Variants in TEKT5 observed in about 807,000 individuals in gnomAD.
The protein encoded by TEKT5 is tektin 5.
In TEKT5, 52 loss-of-function variants were observed where a neutral mutation model predicts 48.7. The ratio of observed to expected loss-of-function variants is 1.07; its 90% confidence interval spans 0.86 to 1.35. The LOEUF (loss-of-function observed/expected upper bound fraction) is 1.35. TEKT5 is among the 40% of genes most tolerant of loss of function. The probability of loss-of-function intolerance (pLI) is 0.00; values close to 1 mark genes in which losing one functional copy is unlikely to be tolerated. For missense variants in TEKT5, 831 were observed against 641.6 expected (o/e 1.30, Z -3.19); for synonymous variants, 318 against 267.6 (o/e 1.19, Z -1.84).
chr16:10,661,314 G>C (rs1276156992), intron 5 of TEKT5, among the ~76,000 whole-genome samples: 1 of 152,144 alleles, frequency 6.6e-6, no homozygotes, highest in African/African-American at 2.4e-5. Flanking sequence ...TCTGTGTTCA[G>C]AGAACAATTT....
chr16:10,642,428 A>C (rs576277699), intron 5 of TEKT5, among the ~76,000 whole-genome samples: 22 of 152,202 alleles, frequency 1.4e-4, no homozygotes, highest in African/African-American at 4.6e-4. Flanking sequence ...CTCATTAGCC[A>C]TTCCTAAGCC....
chr16:10,630,726 A>C (rs1002556424), intron 6 of TEKT5, among the ~76,000 whole-genome samples: 7 of 152,096 alleles, frequency 4.6e-5, no homozygotes, highest in African/African-American at 1.7e-4. Flanking sequence ...TTAATTTAAA[A>C]CTTAAATTTT....
chr16:10,660,693 GTGTGTGTGTGT>G (rs955781935), intron 5 of TEKT5, among the ~76,000 whole-genome samples: 3 of 115,196 alleles, frequency 2.6e-5, no homozygotes, highest in Non-Finnish European at 4.0e-5. Context: ...GTGTGTGTGT[GTGTGTGTGTGT>G]TATTTATTTA....
At chr16:10,680,206 G>C (rs1375539021) in intron 4 of TEKT5, among the ~76,000 whole-genome samples, 3 of 152,260 alleles carry the variant, frequency 2.0e-5, no homozygotes, top group Non-Finnish European at 4.4e-5. Flanking sequence ...GTCAGGAAGA[G>C]AAGGAAAGTC....
At chr16:10,688,976 G>A (rs148220033) in intron 3 of TEKT5, among the ~76,000 whole-genome samples, 102 of 152,296 alleles carry the variant, frequency 6.7e-4, no homozygotes, top group African/African-American at 1.9e-3. Flanking sequence ...AGCGATGCAC[G>A]GGTTGTGAGA....
At chr16:10,674,584 C>T (rs1027341580) in intron 5 of TEKT5, among the ~76,000 whole-genome samples, 16 of 130,882 alleles carry the variant, frequency 1.2e-4, no homozygotes, top group Admixed American at 8.6e-5. Context: ...TGCCACTGTG[C>T]TCCAGCCTGG....
chr16:10,665,715 C>T (rs921869476), intron 5 of TEKT5, among the ~76,000 whole-genome samples: 1 of 152,186 alleles, frequency 6.6e-6, no homozygotes, highest in Non-Finnish European at 1.5e-5. Flanking sequence ...CATGCTGGGT[C>T]CATCCAGGCA....
chr16:10,644,970 A>G (rs1385469571), intron 5 of TEKT5, among the ~76,000 whole-genome samples: 1 of 152,170 alleles, frequency 6.6e-6, no homozygotes, highest in African/African-American at 2.4e-5. Flanking sequence ...CTTTATAAGA[A>G]GAGGCTACTT....
Position 10,690,041 on chromosome 16 carries a change from G to C in TEKT5, c.565-16C>G, listed in dbSNP as rs1159646742. ...CCAAGGCCACCTGTGGGAAGCAGCA[G>C]AAAGAACGTATTCTTCCTGTAGCTG... On this transcript the variant is annotated splice_polypyrimidine_tract_variant and intron_variant, in intron 1 of 6. Transcript: ENST00000283025. 1.2e-6 allele frequency: 2 copies of C among 1,613,210 alleles called. No homozygotes were observed. The highest frequency in any genetic ancestry group is 8.5e-7 in the Non-Finnish European group (1 of 1,179,704).
intron 5 of TEKT5, among the ~76,000 whole-genome samples, chr16:10,667,215 C>T (rs527854263): frequency 1.3e-5 from 2 of 152,200 alleles, no homozygotes; most frequent in African/African-American, 4.8e-5. Context: ...AACTCCTGGG[C>T]TCAAGCTATC....
chr16:10,655,376 A>G (rs764744045), intron 5 of TEKT5, among the ~76,000 whole-genome samples: 20 of 152,068 alleles, frequency 1.3e-4, no homozygotes, highest in Admixed American at 6.6e-4. Context: ...CCCCTATTCA[A>G]CCTTGTAAAA....
At chr16:10,688,797 C>T (rs1031914521) in intron 3 of TEKT5, among the ~76,000 whole-genome samples, 21 of 152,214 alleles carry the variant, frequency 1.4e-4, no homozygotes, top group African/African-American at 4.8e-4. Context: ...TCAATGCGTC[C>T]ACCAGCTCCC....
chr16:10,658,474 A>G (rs1340734022), intron 5 of TEKT5, among the ~76,000 whole-genome samples: 1 of 152,228 alleles, frequency 6.6e-6, no homozygotes, highest in Non-Finnish European at 1.5e-5. Flanking sequence ...TATATTGAGT[A>G]GAAGCAGCCA....
chr16:10,691,941 C>A (rs1898987079), intron 1 of TEKT5, among the ~76,000 whole-genome samples: 1 of 124,590 alleles, frequency 8.0e-6, no homozygotes, highest in Non-Finnish European at 1.7e-5. Context: ...GAGCGAGAGT[C>A]CATCTCAAAA....
rs369383645 is a variant in TEKT5 at position 10,694,530 on chromosome 16, A to G, written c.344T>C (p.Leu115Pro). 2.0e-5 allele frequency: 32 copies of G among 1,608,420 alleles called. No homozygotes were observed. The East Asian group carries it at 2.5e-4, about 12-fold the overall frequency. ...AEASRLWASR[L>P]TDDSMRLLQD... ...CAAGAGCCTCATGGAGTCATCCGTC[A>G]GCCGGCTGGCCCACAGCCGGGAGGC... is the stretch of plus-strand genomic sequence containing the variant. Residue 115 changes from leucine (L) to proline (P), a missense_variant, in exon 1 of 7, where the codon CTG (leucine) becomes CCG (proline). Coordinates refer to ENST00000283025, the MANE Select transcript of TEKT5 (RefSeq NM_144674.2).
At chr16:10,690,426 C>T (rs948300204) in intron 1 of TEKT5, among the ~76,000 whole-genome samples, 2 of 152,194 alleles carry the variant, frequency 1.3e-5, no homozygotes, top group African/African-American at 4.8e-5. Context: ...TGACTTCAAT[C>T]GGGGCTTGAC....
chr16:10,634,689 G>A (rs1007725244), intron 6 of TEKT5, among the ~76,000 whole-genome samples: 3 of 152,142 alleles, frequency 2.0e-5, no homozygotes, highest in Non-Finnish European at 4.4e-5. Flanking sequence ...ACATCCTTGT[G>A]GCTGGTACTG....
chr16:10,690,843 G>C, intron 1 of TEKT5: 1 of 939,188 alleles, frequency 1.1e-6, no homozygotes. Flanking sequence ...AAGGAAGCAG[G>C]ATGTCAAGGT....
chr16:10,681,864 AT>A, intron 4 of TEKT5, 128 bp downstream of exon 4: 1 of 1,248,524 alleles, frequency 8.0e-7, no homozygotes, highest in Non-Finnish European at 1.1e-6. Context: ...GCGCTAGAGG[AT>A]CCCCGTTCAA....
Sources: allele counts gnomAD v4.1 joint callset (sites outside exome capture counted in the v4.1 genomes callset), GRCh38; gene constraint gnomAD v4.1.1; transcripts MANE v1.5; gene names NCBI Gene and HGNC (gene_info 2026-07-23, HGNC 2026-07-21).